The following GALNT9 variants were observed in gnomAD, a reference collection of about 807,000 sequenced individuals.
The protein encoded by GALNT9 is polypeptide N-acetylgalactosaminyltransferase 9.
In GALNT9, 47 loss-of-function variants were observed where a neutral mutation model predicts 63.1. The ratio of observed to expected loss-of-function variants is 0.75; its 90% CI spans 0.59 to 0.95. The LOEUF is 0.95. GALNT9 is among the 40% of genes least tolerant of loss of function. The pLI is 0.00. For synonymous variants in GALNT9, 396 were observed against 365.7 expected, an observed-to-expected ratio of 1.08 and a Z score of -0.94; for missense variants, 829 against 874.8, an observed-to-expected ratio of 0.95 and a Z score of 0.66.
intron 1 of GALNT9, among the ~76,000 whole-genome samples, 180 bp downstream of exon 1, chr12:132,328,786 C>A (rs1311699181): frequency 6.6e-6 from 1 of 152,228 alleles, no homozygotes; most frequent in Non-Finnish European, 1.5e-5. Flanking sequence ...CGGGGGGAAC[C>A]CAGGTTGCTG....
intron 1 of GALNT9, among the ~76,000 whole-genome samples, chr12:132,303,446 C>CG (rs1881400305): frequency 8.2e-6 from 1 of 121,268 alleles, no homozygotes; most frequent in African/African-American, 2.9e-5. Context: ...CACCCTCGCC[C>CG]GGGCACACCC....
chr12:132,284,549 T>C (rs1169124389), intron 2 of GALNT9: 3 of 152,266 alleles, frequency 2.0e-5, no homozygotes, highest in Admixed American at 6.5e-5. Flanking sequence ...GCATCACTTG[T>C]GTTAAATCAT....
At chr12:132,304,333 A>G (rs1323350645) in intron 1 of GALNT9, among the ~76,000 whole-genome samples, 2 of 98,032 alleles carry the variant, frequency 2.0e-5, no homozygotes, top group Non-Finnish European at 2.0e-5. Flanking sequence ...GCCCAGACAC[A>G]CCCTCGCCTG....
At chr12:132,225,772 T>C (rs1245108002) in intron 6 of GALNT9, among the ~76,000 whole-genome samples, 3 of 127,618 alleles carry the variant, frequency 2.4e-5, no homozygotes, top group African/African-American at 9.4e-5. Flanking sequence ...CTACACACGC[T>C]GTATACACCC....
intron 4 of GALNT9, among the ~76,000 whole-genome samples, chr12:132,259,061 T>C (rs1246404322): frequency 3.3e-5 from 5 of 152,344 alleles, no homozygotes; most frequent in Admixed American, 3.3e-4. Context: ...GCCTGGTATT[T>C]ACCTGCCTTT....
rs1687846698 is a variant in GALNT9, at chr12:132,236,731, A to G, written c.1077+11179T>C. On this transcript the variant is annotated intron_variant, in intron 6 of 10. Coordinates refer to ENST00000328957, the MANE Select transcript of GALNT9 (RefSeq NM_001122636.2). The surrounding 1 kb of genome is among the most constrained non-coding windows in gnomAD (Gnocchi z 5.6). Reference sequence around the variant, plus strand: ...GCATCAAGCCTGGCCTCGGCCAGCCACGCCTCCTGGGGGTCTCCCGTGTCT... The same window carrying G: ...GCATCAAGCCTGGCCTCGGCCAGCCGCGCCTCCTGGGGGTCTCCCGTGTCT... 6.6e-6 allele frequency among the ~76,000 whole-genome samples: 1 copy of G among 152,176 alleles called. No individual in the cohort carries two copies. The highest frequency in any genetic ancestry group is 2.1e-4 in the South Asian group (1 of 4,830).
intron 1 of GALNT9, among the ~76,000 whole-genome samples, chr12:132,303,058 G>C (rs536874241): frequency 2.1e-5 from 3 of 145,282 alleles, no homozygotes; most frequent in African/African-American, 7.6e-5. Flanking sequence ...TGGAAGACGC[G>C]GTTTCCCACC....
rs923642317 is a variant in GALNT9, at chr12:132,296,158, A to G, written c.239-9728T>C. On this transcript the variant is annotated intron_variant, in intron 1 of 10. Transcript: ENST00000328957. This position sits in a 1 kb window ranked among gnomAD's most constrained non-coding sequence, Gnocchi z 4.2. The stretch of plus-strand genomic sequence containing the variant: ...AGCCTCTGAACAGGGACGGCCTCCG[A>G]ACAGGGAGAGCCTCCGGAATAGGGA... Among the ~76,000 whole-genome samples the G allele has an allele frequency of 1.1e-4, 17 of 152,078 alleles. No homozygotes were observed. The highest frequency in any genetic ancestry group is 1.3e-4 in the Admixed American group (2 of 15,278).
intron 1 of GALNT9, among the ~76,000 whole-genome samples, chr12:132,305,638 C>T (rs868911871): frequency 1.3e-5 from 2 of 150,854 alleles, no homozygotes; most frequent in African/African-American, 2.4e-5. Flanking sequence ...CACCCTCACC[C>T]GGACACGCCC....
chr12:132,203,556 C>CCACA lies in GALNT9; in HGVS notation c.1208_1211dup (p.Trp404CysfsTer5). 2 of 1,614,024 alleles carry CCACA rather than the reference C, an allele frequency of 1.2e-6. No individual in the cohort carries two copies. Among genetic ancestry groups the CCACA allele is most frequent in the Non-Finnish European group, 1.7e-6 (2 of 1,179,880 alleles). On this transcript the variant is annotated frameshift_variant, in exon 7 of 11. Coordinates refer to ENST00000328957, the MANE Select transcript of GALNT9 (RefSeq NM_001122636.2). LOFTEE classifies it high-confidence loss of function. ...ACACGTGGGACTTGAAGTCATCCAT[C>CCACA]CACACCTCGGCGGCGCGCAGGGCGT...
chr12:132,204,064 CA>C (rs1304822860), intron 6 of GALNT9, among the ~76,000 whole-genome samples: 1 of 152,062 alleles, frequency 6.6e-6, no homozygotes, highest in East Asian at 1.9e-4. Flanking sequence ...CCACCTCCCC[CA>C]GCACCCGAAC....
intron 2 of GALNT9, among the ~76,000 whole-genome samples, chr12:132,267,780 C>CTCACACACAT (rs1879672329): frequency 6.6e-5 from 8 of 120,474 alleles, no homozygotes; most frequent in African/African-American, 2.9e-4. Flanking sequence ...CTCACACACA[C>CTCACACACAT]GCACACACAC....
Position 132,245,574 on chromosome 12 carries a change from T to C in GALNT9, c.1077+2336A>G, listed in dbSNP as rs1878677344. 6.6e-6 allele frequency among the ~76,000 whole-genome samples: 1 copy of C among 151,762 alleles called. No individual in the cohort carries two copies. On this transcript the variant is annotated intron_variant, in intron 6 of 10. Transcript: ENST00000328957. The surrounding 1 kb of genome is among the most constrained non-coding windows in gnomAD (Gnocchi z 6.3). ...ACCCTCGCCCAGCCAGGGCCCTCCG[T>C]GGTCCGGCACCCACACCCCCAGCCC...
chr12:132,262,390 C>A, intron 3 of GALNT9, 69 bp downstream of exon 3: 1 of 1,499,834 alleles, frequency 6.7e-7, no homozygotes, highest in Non-Finnish European at 8.9e-7. Context: ...GAGGCTCCAC[C>A]CAACCCCAAC....
At chr12:132,317,684 C>G (rs1380472225) in intron 1 of GALNT9, among the ~76,000 whole-genome samples, 1 of 152,194 alleles carries the variant, frequency 6.6e-6, no homozygotes, top group African/African-American at 2.4e-5. Flanking sequence ...GGCCAGACCC[C>G]CCTCGCTCAG....
At chr12:132,306,321 C>T (rs1351735295) in intron 1 of GALNT9, among the ~76,000 whole-genome samples, 4 of 152,240 alleles carry the variant, frequency 2.6e-5, no homozygotes, top group African/African-American at 7.2e-5. Context: ...GACTCTCAAG[C>T]GCAGAGCAAT....
At chr12:132,259,427 C>T (rs1879279933) in intron 4 of GALNT9, among the ~76,000 whole-genome samples, 2 of 152,186 alleles carry the variant, frequency 1.3e-5, no homozygotes, top group African/African-American at 4.8e-5. Context: ...ACAATTCATG[C>T]ACAACACGTC....
intron 2 of GALNT9, among the ~76,000 whole-genome samples, chr12:132,270,247 G>T (rs1386311745): frequency 6.6e-6 from 1 of 152,266 alleles, no homozygotes; most frequent in Non-Finnish European, 1.5e-5. Context: ...GATCCTGGGT[G>T]TGAGAAACAG....
chr12:132,220,206 T>G (rs1260752064), intron 6 of GALNT9, among the ~76,000 whole-genome samples: 1 of 152,084 alleles, frequency 6.6e-6, no homozygotes, highest in Non-Finnish European at 1.5e-5. Context: ...CTGCAGTGAG[T>G]GATGACTGTA....
Sources: allele counts gnomAD v4.1 joint callset (sites outside exome capture counted in the v4.1 genomes callset), GRCh38; gene constraint gnomAD v4.1.1; non-coding constraint Gnocchi (gnomAD v3.1); transcripts MANE v1.5; gene names NCBI Gene and HGNC (gene_info 2026-07-23, HGNC 2026-07-21).